Variants in EPHA5 observed in about 807,000 individuals in gnomAD.
The protein encoded by EPHA5 is ephrin type-A receptor 5.
A neutral mutation model predicts 105.0 loss-of-function variants in EPHA5; 60 were observed. The observed-to-expected ratio is 0.57, with a 90% CI of 0.46 to 0.71. The LOEUF is 0.71. Among genes scored for constraint, EPHA5 ranks in the 30% least tolerant of loss-of-function variants. EPHA5 has a pLI of 0.00. For synonymous variants in EPHA5, 513 were observed against 449.1 expected (o/e 1.14, Z -1.80); for missense variants, 1,218 against 1,274.7 (o/e 0.96, Z 0.68).
chr4:65,357,826 T>A (rs77687900), intron 11 of EPHA5, among the ~76,000 whole-genome samples: 1,654 of 151,482 alleles, frequency 0.011, 33 homozygotes, highest in African/African-American at 0.038. Flanking sequence ...TCAAGGTGTG[T>A]GTGTATGTTT....
chr4:65,398,113 T>G (rs1721432212), intron 8 of EPHA5, among the ~76,000 whole-genome samples: 1 of 152,178 alleles, frequency 6.6e-6, no homozygotes, highest in Non-Finnish European at 1.5e-5. Flanking sequence ...GAACCAAGCA[T>G]TCTTGTGCTC....
intron 11 of EPHA5, among the ~76,000 whole-genome samples, chr4:65,360,631 A>C (rs1165177500): frequency 6.6e-6 from 1 of 151,642 alleles, no homozygotes; most frequent in Non-Finnish European, 1.5e-5. Context: ...CTAAATTCTT[A>C]ATGCAATGTT....
intron 13 of EPHA5, among the ~76,000 whole-genome samples, chr4:65,349,244 G>A (rs1722588618): frequency 6.6e-6 from 1 of 152,024 alleles, no homozygotes; most frequent in Non-Finnish European, 1.5e-5. Flanking sequence ...TAAGAGGAGG[G>A]TGTCTTGTTT....
intron 8 of EPHA5, among the ~76,000 whole-genome samples, chr4:65,381,672 A>C (rs954663427): frequency 6.6e-6 from 1 of 151,830 alleles, no homozygotes; most frequent in Non-Finnish European, 1.5e-5. Context: ...GCATAGTACT[A>C]AATGTGTTTC....
intron 3 of EPHA5, among the ~76,000 whole-genome samples, chr4:65,567,550 C>T (rs893371035): frequency 2.0e-5 from 3 of 151,322 alleles, no homozygotes; most frequent in African/African-American, 7.3e-5. Flanking sequence ...TTGGTGATAG[C>T]CAAACTGTCA....
intron 3 of EPHA5, among the ~76,000 whole-genome samples, chr4:65,534,605 C>T (rs1486105646): frequency 2.0e-5 from 3 of 152,192 alleles, no homozygotes; most frequent in African/African-American, 7.2e-5. Context: ...CAAAAGTAGA[C>T]ATATCAATGA....
chr4:65,425,064 C>A (rs949372087), intron 5 of EPHA5, among the ~76,000 whole-genome samples: 1 of 151,824 alleles, frequency 6.6e-6, no homozygotes, highest in Admixed American at 6.6e-5. Context: ...AAATAAAACT[C>A]CATGCATTTG....
intron 3 of EPHA5, among the ~76,000 whole-genome samples, chr4:65,531,949 G>A (rs916160618): frequency 6.6e-6 from 1 of 152,174 alleles, no homozygotes; most frequent in African/African-American, 2.4e-5. Flanking sequence ...ATTAAATAAG[G>A]CCATGTGTAT....
At chr4:65,653,425 AGT>A (rs888759631) in intron 1 of EPHA5, among the ~76,000 whole-genome samples, 25 of 152,140 alleles carry the variant, frequency 1.6e-4, no homozygotes, top group African/African-American at 6.0e-4. Flanking sequence ...CAAAATATAA[AGT>A]AACACAGACA....
chr4:65,396,841 G>T (rs181071957), intron 8 of EPHA5, among the ~76,000 whole-genome samples: 1 of 152,258 alleles, frequency 6.6e-6, no homozygotes, highest in Admixed American at 6.5e-5. Flanking sequence ...TGCAGAAACA[G>T]GCCATGGCAC....
chr4:65,514,883 C>T lies in EPHA5; in HGVS notation c.911-19340G>A, dbSNP rs113503080. 4.2e-3 allele frequency among the ~76,000 whole-genome samples: 646 copies of T among 152,194 alleles called. 1 individual carries two copies. The highest frequency in any genetic ancestry group is 7.9e-3 in the Admixed American group (120 of 15,266). On this transcript the variant is annotated intron_variant, in intron 3 of 16. Coordinates refer to ENST00000613740, the MANE Select transcript of EPHA5 (RefSeq NM_001281766.3). ...ACAAGCCTTCCACAACACCTAGGCC[C>T]TTGACCTCAACTCCAATAATCATCC...
At chr4:65,361,331 C>T (rs555098403) in intron 11 of EPHA5, among the ~76,000 whole-genome samples, 2 of 151,640 alleles carry the variant, frequency 1.3e-5, no homozygotes, top group South Asian at 4.2e-4. Flanking sequence ...AGTGAAGTAT[C>T]TCAAGGGGGC....
At chr4:65,501,098 G>A (rs1243726813) in intron 3 of EPHA5, among the ~76,000 whole-genome samples, 1 of 151,328 alleles carries the variant, frequency 6.6e-6, no homozygotes, top group Non-Finnish European at 1.5e-5. Context: ...ATAGTTTAGT[G>A]TGGGTTTAAA....
intron 3 of EPHA5, among the ~76,000 whole-genome samples, chr4:65,510,031 CTTTTTT>C (rs11300558): frequency 8.4e-6 from 1 of 119,452 alleles, no homozygotes. Context: ...ATACATACTT[CTTTTTT>C]TTTTTTTTTT....
At chr4:65,505,536 C>T (rs953276055) in intron 3 of EPHA5, among the ~76,000 whole-genome samples, 9 of 151,916 alleles carry the variant, frequency 5.9e-5, no homozygotes, top group Admixed American at 5.3e-4. Flanking sequence ...CTTCTAGCAC[C>T]TTATTTTACC....
At chr4:65,541,722 A>G (rs1449683403) in intron 3 of EPHA5, among the ~76,000 whole-genome samples, 1 of 151,900 alleles carries the variant, frequency 6.6e-6, no homozygotes, top group African/African-American at 2.4e-5. Context: ...GATATTCAGG[A>G]CTTGAACTCA....
intron 3 of EPHA5, among the ~76,000 whole-genome samples, chr4:65,525,527 C>T (rs922731674): frequency 6.6e-6 from 1 of 151,792 alleles, no homozygotes; most frequent in Non-Finnish European, 1.5e-5. Context: ...TACACATCTG[C>T]GGCCCATTTA....
chr4:65,499,012 A>G (rs890406749), intron 3 of EPHA5, among the ~76,000 whole-genome samples: 1 of 95,258 alleles, frequency 1.0e-5, no homozygotes, highest in African/African-American at 4.7e-5. Context: ...ATTCAAACTC[A>G]TATTATTCCC....
chr4:65,464,789 G>A (rs560137428), intron 5 of EPHA5, among the ~76,000 whole-genome samples: 54 of 151,942 alleles, frequency 3.6e-4, no homozygotes, highest in Non-Finnish European at 3.5e-4. Flanking sequence ...TTAAAAATAC[G>A]AATTTGGCTA....
Sources: gnomAD v4.1 joint callset for allele counts (sites outside exome capture counted in the v4.1 genomes callset) on GRCh38, gnomAD v4.1.1 for gene constraint, MANE v1.5 for transcripts, NCBI Gene and HGNC (gene_info 2026-07-23, HGNC 2026-07-21) for gene names.